Variants in SLC35D3 observed in about 807,000 individuals in gnomAD.
SLC35D3 encodes the protein solute carrier family 35 member D3, also known as frc, fringe-like 1.
Under a neutral mutation model 20.3 loss-of-function variants are expected in SLC35D3, and 18 were observed. That is an observed-to-expected ratio of 0.89 (90% CI 0.61 to 1.32). The LOEUF (loss-of-function observed/expected upper bound fraction) is 1.32, where lower values mean the gene tolerates loss of function less well. SLC35D3 is among the 40% of genes most tolerant of loss of function. The probability of loss-of-function intolerance (pLI) is 0.00; values close to 1 mark genes in which losing one functional copy is unlikely to be tolerated. For synonymous variants in SLC35D3, 313 were observed against 263.5 expected (o/e 1.19, Z -1.82); for missense variants, 556 against 565.5 (o/e 0.98, Z 0.17).
At position 136,924,900 on chromosome 6, in the gene SLC35D3, G is replaced by A; in HGVS notation, c.*204G>A. 1 of 510,464 alleles carries A rather than the reference G, an allele frequency of 2.0e-6. No homozygotes were observed. 31.6% of individuals were successfully genotyped at this position (510,464 alleles called of 1,614,324 possible). On this transcript the variant is annotated 3_prime_UTR_variant, in exon 2 of 2. Transcript: ENST00000331858. ...GTGACTTCACCTGAGGCATCACAGA[G>A]ACAAAAGAATGTGAAGCTACTTAAC... is the stretch of plus-strand genomic sequence containing the variant.
chr6:136,923,783 TA>T lies in SLC35D3; in HGVS notation c.440-101del, dbSNP rs1045922618. 2 of 1,176,726 alleles carry T rather than the reference TA, an allele frequency of 1.7e-6. No homozygotes were observed. The highest frequency in any genetic ancestry group is 3.1e-5 in the African/African-American group (2 of 64,708). 72.9% of individuals were successfully genotyped at this position (1,176,726 alleles called of 1,614,324 possible). ...GGGGCGCGAACCCAGTCTCCTTTCCTACCCGACGCGTTTTCCCCGTGGGTCC... is the reference window on the plus strand; with the variant it reads ...GGGGCGCGAACCCAGTCTCCTTTCCTCCCGACGCGTTTTCCCCGTGGGTCC... On this transcript the variant is annotated intron_variant, in intron 1 of 1. Coordinates refer to ENST00000331858, the MANE Select transcript of SLC35D3 (RefSeq NM_001008783.3). This position sits in a 1 kb window ranked among gnomAD's most constrained non-coding sequence, Gnocchi z 6.2.
rs775326542 is a variant in SLC35D3 at position 136,924,510 on chromosome 6, C to A, written c.1065C>A (p.Pro355=). 6.2e-7 allele frequency: 1 copy of A among 1,613,324 alleles called. No individual in the cohort carries two copies. The highest frequency in any genetic ancestry group is 8.5e-7 in the Non-Finnish European group (1 of 1,179,828). Residue 355 remains proline, a synonymous_variant, in exon 2 of 2, where the codon CCC becomes CCA. Transcript: ENST00000331858. ...AAGGTGGGGAGGCAGCAGGTGGCCC[C>A]GCTCAGGAGAGCAGGCAAGAGGTCA... ...RSEGGEAAGG[P]AQESRQEVRG...
chr6:136,922,629 G>T lies in SLC35D3; in HGVS notation c.201G>T (p.Val67=). ...TGCGGCGCCTCGGGCTCATCGCCGT[G>T]CCCCCCTTCGGTCTGAGCCTGGCGC... is the stretch of plus-strand genomic sequence containing the variant. ...ELLRRLGLIA[V]PPFGLSLARS... The change falls in exon 1 of 2, where the codon GTG becomes GTT. Residue 67 remains valine, a synonymous_variant. Transcript: ENST00000331858. The surrounding 1 kb of genome is among the most constrained non-coding windows in gnomAD (Gnocchi z 6.8). 6.2e-7 allele frequency: 1 copy of T among 1,610,190 alleles called. No homozygotes were observed. The highest frequency in any genetic ancestry group is 8.5e-7 in the Non-Finnish European group (1 of 1,179,566).
In SLC35D3 at chr6:136,922,591, AGCCTGGAGCTGCT is replaced by A. The variant is rs1776076877; in HGVS notation, c.166_178del (p.Leu56GlyfsTer13). Reference sequence around the variant, plus strand: ...CCTGACCAGCTCCACCGCGGCGCTGAGCCTGGAGCTGCTGCGGCGCCTCGGGCTCATCGCCGTG... The same window carrying A: ...CCTGACCAGCTCCACCGCGGCGCTGAGCGGCGCCTCGGGCTCATCGCCGTG... On this transcript the variant is annotated frameshift_variant, in exon 1 of 2. Transcript: ENST00000331858. LOFTEE classifies it high-confidence loss of function. This position sits in a 1 kb window ranked among gnomAD's most constrained non-coding sequence, Gnocchi z 6.8. The A allele has an allele frequency of 6.2e-7, 1 of 1,612,000 alleles. No homozygotes were observed. The highest frequency in any genetic ancestry group is 8.5e-7 in the Non-Finnish European group (1 of 1,179,686).
At position 136,922,518 on chromosome 6, in the gene SLC35D3, G is replaced by C; in HGVS notation, c.90G>C (p.Lys30Asn). Reference protein sequence around the residue: ...VFSGSLNILLKFLISRYQFSF... With the variant: ...VFSGSLNILLNFLISRYQFSF... Reference sequence around the variant, plus strand: ...CGGGCTCCCTCAACATCTTGCTCAAGTTCCTCATCAGCCGCTACCAGTTCT... The same window carrying C: ...CGGGCTCCCTCAACATCTTGCTCAACTTCCTCATCAGCCGCTACCAGTTCT... The change falls in exon 1 of 2, where the codon AAG (lysine) becomes AAC (asparagine). Residue 30 changes from lysine to asparagine, a missense_variant. Lys to Asn is a moderately conservative substitution (Grantham distance 94, BLOSUM62 0). Transcript: ENST00000331858. This position sits in a 1 kb window ranked among gnomAD's most constrained non-coding sequence, Gnocchi z 6.8. 6.2e-7 allele frequency: 1 copy of C among 1,612,300 alleles called. No homozygotes were observed. Among genetic ancestry groups the C allele is most frequent in the Non-Finnish European group, 8.5e-7 (1 of 1,179,662 alleles).
At position 136,923,252 on chromosome 6, in the gene SLC35D3, G is replaced by A. The variant is rs956808865; in HGVS notation, c.439+385G>A. On this transcript the variant is annotated intron_variant, in intron 1 of 1. Transcript: ENST00000331858. The surrounding 1 kb of genome is among the most constrained non-coding windows in gnomAD (Gnocchi z 6.2). ...TGGACCAAGCCGGAAGGAGGGGGCCGTGAACTTCCTTGGGTCACGAGGGGC... is the reference window on the plus strand; with the variant it reads ...TGGACCAAGCCGGAAGGAGGGGGCCATGAACTTCCTTGGGTCACGAGGGGC... Among the ~76,000 whole-genome samples, 5 of 152,226 alleles carry A rather than the reference G, an allele frequency of 3.3e-5. No homozygotes were observed. Among genetic ancestry groups the A allele is most frequent in the Admixed American group, 6.5e-5 (1 of 15,290 alleles).
rs1429867435 is a variant in SLC35D3, at chr6:136,925,150, C to T, written c.*454C>T. The T allele has an allele frequency of 6.3e-6, 1 of 157,992 alleles. No individual in the cohort carries two copies. The highest frequency in any genetic ancestry group is 1.4e-5 in the Non-Finnish European group (1 of 71,378). 9.8% of individuals were successfully genotyped at this position (157,992 alleles called of 1,614,324 possible). Reference sequence around the variant, plus strand: ...CGCCAGCTGGGCAAAGAGTATATTGCTGAAATGATATATAAATATATTGAA... The same window carrying T: ...CGCCAGCTGGGCAAAGAGTATATTGTTGAAATGATATATAAATATATTGAA... On this transcript the variant is annotated 3_prime_UTR_variant, in exon 2 of 2. Coordinates refer to ENST00000331858, the MANE Select transcript of SLC35D3 (RefSeq NM_001008783.3).
Position 136,922,700 on chromosome 6 carries a change from T to C in SLC35D3, c.272T>C (p.Leu91Pro), listed in dbSNP as rs750684837. The change falls in exon 1 of 2, where the codon CTC (leucine) becomes CCC (proline). Residue 91 changes from leucine to proline, a missense_variant. Transcript: ENST00000331858. The surrounding 1 kb of genome is among the most constrained non-coding windows in gnomAD (Gnocchi z 6.8). ...GTGCTCTCCACGCTGCAGTCCAGCC[T>C]CACGCTCTGGTCCCTGCGCGGCCTC... ...VAVLSTLQSSLTLWSLRGLSL... is the reference protein window; with the variant it reads ...VAVLSTLQSSPTLWSLRGLSL... The C allele has an allele frequency of 9.4e-6, 15 of 1,596,820 alleles. No homozygotes were observed. Among genetic ancestry groups the C allele is most frequent in the African/African-American group, 2.7e-5 (2 of 74,556 alleles).
rs1256371509 is a variant in SLC35D3, at chr6:136,924,479, GGT to G, written c.1035_1036del (p.Ser346ArgfsTer32). ...CTGCCCGGGGAGGGAGGAAATGGCC[GGT>G]CAGAAGGTGGGGAGGCAGCAGGTGG... On this transcript the variant is annotated frameshift_variant, in exon 2 of 2. Coordinates refer to ENST00000331858, the MANE Select transcript of SLC35D3 (RefSeq NM_001008783.3). LOFTEE classifies it high-confidence loss of function. 6.2e-7 allele frequency: 1 copy of G among 1,613,450 alleles called. No homozygotes were observed. Among genetic ancestry groups the G allele is most frequent in the African/African-American group, 1.3e-5 (1 of 74,932 alleles).
rs1325413899 is a variant in SLC35D3 at position 136,923,016 on chromosome 6, C to T, written c.439+149C>T. On this transcript the variant is annotated intron_variant, in intron 1 of 1. Transcript: ENST00000331858. This position sits in a 1 kb window ranked among gnomAD's most constrained non-coding sequence, Gnocchi z 6.2. ...CCGGAGAGCTTTGAGAGTGGTCGCT[C>T]AGCTCGCAAAAGGGACTTCCGAGAC... 5 of 947,584 alleles carry T rather than the reference C, an allele frequency of 5.3e-6. No individual in the cohort carries two copies. In the African/African-American group the frequency reaches 6.9e-5, roughly 13 times the overall value. 58.7% of individuals were successfully genotyped at this position (947,584 alleles called of 1,614,324 possible).
In SLC35D3 at chr6:136,922,579, A is replaced by G. The variant is rs1776076405; in HGVS notation, c.151A>G (p.Thr51Ala). Residue 51 changes from threonine (T) to alanine (A), a missense_variant, in exon 1 of 2, where the codon ACC becomes GCC. Coordinates refer to ENST00000331858, the MANE Select transcript of SLC35D3 (RefSeq NM_001008783.3). This position sits in a 1 kb window ranked among gnomAD's most constrained non-coding sequence, Gnocchi z 6.8. ...LTLVQCLTSS[T>A]AALSLELLRR... is the part of the protein sequence containing the mutation. ...CCTGGTGCAGTGCCTGACCAGCTCC[A>G]CCGCGGCGCTGAGCCTGGAGCTGCT... The G allele has an allele frequency of 1.2e-6, 2 of 1,611,866 alleles. No homozygotes were observed. Among genetic ancestry groups the G allele is most frequent in the Non-Finnish European group, 1.7e-6 (2 of 1,179,616 alleles).
rs1480612580 is a variant in SLC35D3, at chr6:136,924,709, T to G, written c.*13T>G. On this transcript the variant is annotated 3_prime_UTR_variant, in exon 2 of 2. Coordinates refer to ENST00000331858, the MANE Select transcript of SLC35D3 (RefSeq NM_001008783.3). Reference sequence around the variant, plus strand: ...ACCCAGTCCTTGAGAAGGAGGTGCATGTACGTACCTATGTGCATACACTTA... The same window carrying G: ...ACCCAGTCCTTGAGAAGGAGGTGCAGGTACGTACCTATGTGCATACACTTA... The G allele has an allele frequency of 6.3e-7, 1 of 1,595,470 alleles. No homozygotes were observed. The highest frequency in any genetic ancestry group is 1.1e-5 in the South Asian group (1 of 89,134).
chr6:136,923,784 A>C lies in SLC35D3; in HGVS notation c.440-101A>C. ...GGGCGCGAACCCAGTCTCCTTTCCTACCCGACGCGTTTTCCCCGTGGGTCC... is the reference window on the plus strand; with the variant it reads ...GGGCGCGAACCCAGTCTCCTTTCCTCCCCGACGCGTTTTCCCCGTGGGTCC... On this transcript the variant is annotated intron_variant, in intron 1 of 1. Transcript: ENST00000331858. This position sits in a 1 kb window ranked among gnomAD's most constrained non-coding sequence, Gnocchi z 6.2. 5.4e-5 allele frequency: 63 copies of C among 1,171,748 alleles called. No individual in the cohort carries two copies. The highest frequency in any genetic ancestry group is 6.5e-5 in the Non-Finnish European group (56 of 858,390). 72.6% of individuals were successfully genotyped at this position (1,171,748 alleles called of 1,614,324 possible). A position where few individuals can be genotyped will look rare whatever the true frequency, so the allele number is the denominator to read the frequency against.
In SLC35D3 at chr6:136,924,096, C is replaced by T. The variant is rs1293600776; in HGVS notation, c.651C>T (p.Phe217=). Residue 217 remains phenylalanine (F), a synonymous_variant, in exon 2 of 2, where the codon TTC becomes TTT. Coordinates refer to ENST00000331858, the MANE Select transcript of SLC35D3 (RefSeq NM_001008783.3). ...CCGACTCCATCCACGCCTGGACCTT[C>T]CCGGGCTGGAAGGACCCGGCCATGG... ...ASTDSIHAWT[F]PGWKDPAMVC... 1 of 1,612,482 alleles carries T rather than the reference C, an allele frequency of 6.2e-7. No individual in the cohort carries two copies. The highest frequency in any genetic ancestry group is 1.7e-4 in the Middle Eastern group (1 of 6,058).
rs766441517 is a variant in SLC35D3, at chr6:136,922,855, G to C, written c.427G>C (p.Ala143Pro). The C allele has an allele frequency of 5.9e-6, 9 of 1,537,248 alleles. No individual in the cohort carries two copies. In the South Asian group the frequency reaches 1.1e-4, roughly 18 times the overall value. ...LAAVLITTCGAALAGAGDLTG... is the reference protein window; with the variant it reads ...LAAVLITTCGPALAGAGDLTG... ...GGCGGTGCTCATCACCACCTGCGGC[G>C]CCGCCCTGGCAGGTGAGCGGGCCCC... Residue 143 changes from alanine (A) to proline (P), a missense_variant, in exon 1 of 2, where the codon GCC becomes CCC. Physicochemically the swap from Ala to Pro is conservative, Grantham distance 27. Transcript: ENST00000331858. The surrounding 1 kb of genome is among the most constrained non-coding windows in gnomAD (Gnocchi z 6.8).
rs752382176 is a variant in SLC35D3, at chr6:136,924,386, T to C, written c.941T>C (p.Leu314Pro). 11 of 1,614,068 alleles carry C rather than the reference T, an allele frequency of 6.8e-6. No homozygotes were observed. The highest frequency in any genetic ancestry group is 1.7e-5 in the Admixed American group (1 of 60,026). Residue 314 changes from leucine (L) to proline (P), a missense_variant, in exon 2 of 2, where the codon CTG (leucine) becomes CCG (proline). Leu to Pro is a moderately conservative substitution (Grantham distance 98). Transcript: ENST00000331858. ...ETRKQSNYED[L>P]EAQPRGEEAQ... is the part of the protein sequence containing the mutation. ...AGAAAGCAAAGCAACTACGAGGACC[T>C]GGAGGCCCAGCCTCGGGGAGAGGAG...
In SLC35D3 at chr6:136,922,448, G is replaced by T; in HGVS notation, c.20G>T (p.Gly7Val). The T allele has an allele frequency of 6.3e-7, 1 of 1,591,750 alleles. No homozygotes were observed. Among genetic ancestry groups the T allele is most frequent in the South Asian group, 1.1e-5 (1 of 87,972 alleles). Residue 7 changes from glycine (G) to valine (V), a missense_variant, in exon 1 of 2, where the codon GGC becomes GTC. By Grantham distance (109) the Gly-to-Val change is moderately radical (BLOSUM62 -3). Transcript: ENST00000331858. This position sits in a 1 kb window ranked among gnomAD's most constrained non-coding sequence, Gnocchi z 6.8. MRQLCR[G>V]RVLGISVAIA... ...GGCGCGATGCGGCAGCTGTGCCGGG[G>T]CCGCGTGCTGGGCATCTCGGTGGCC...
rs1776090534 is a variant in SLC35D3, at chr6:136,923,570, G to A, written c.440-315G>A. Among the ~76,000 whole-genome samples, 1 of 152,216 alleles carries A rather than the reference G, an allele frequency of 6.6e-6. No homozygotes were observed. The highest frequency in any genetic ancestry group is 2.4e-5 in the African/African-American group (1 of 41,460). ...CCCAAGTGACCTCGGTGCCAGCTCG[G>A]GGAAGCCACAGCACCTGCCCCGAGG... is the stretch of plus-strand genomic sequence containing the variant. On this transcript the variant is annotated intron_variant, in intron 1 of 1. Coordinates refer to ENST00000331858, the MANE Select transcript of SLC35D3 (RefSeq NM_001008783.3). The surrounding 1 kb of genome is among the most constrained non-coding windows in gnomAD (Gnocchi z 6.2).
chr6:136,922,960 C>T lies in SLC35D3; in HGVS notation c.439+93C>T. On this transcript the variant is annotated intron_variant, in intron 1 of 1. Coordinates refer to ENST00000331858, the MANE Select transcript of SLC35D3 (RefSeq NM_001008783.3). This position sits in a 1 kb window ranked among gnomAD's most constrained non-coding sequence, Gnocchi z 6.8. The stretch of plus-strand genomic sequence containing the variant: ...GGGATCACTGAGTTCAACGACCTCA[C>T]TTCCAGATGGGGAGACTGAGGCAGA... 7.7e-7 allele frequency: 1 copy of T among 1,298,388 alleles called. No homozygotes were observed. The highest frequency in any genetic ancestry group is 1.0e-6 in the Non-Finnish European group (1 of 973,826). The allele number at this position is 1,298,388 out of a possible 1,614,324, so 80.4% of individuals were successfully genotyped here.
Sources: allele counts gnomAD v4.1 joint callset (sites outside exome capture counted in the v4.1 genomes callset), GRCh38; gene constraint gnomAD v4.1.1; non-coding constraint Gnocchi (gnomAD v3.1); transcripts MANE v1.5; gene names NCBI Gene and HGNC (gene_info 2026-07-23, HGNC 2026-07-21).